RIMS1: variants seen among roughly 807,000 people sequenced by gnomAD.
The protein encoded by RIMS1 is regulating synaptic membrane exocytosis protein 1.
A neutral mutation model predicts 214.1 loss-of-function variants in RIMS1; 83 were observed. The observed-to-expected ratio is 0.39, with a 90% CI of 0.32 to 0.47. The LOEUF (loss-of-function observed/expected upper bound fraction) is 0.47, where lower values mean the gene tolerates loss of function less well. RIMS1 is among the 20% of genes least tolerant of loss of function. The pLI is 0.99. For missense variants in RIMS1, 2,050 were observed against 2,161.8 expected (o/e 0.95, Z 1.03); for synonymous variants, 793 against 786.8 (o/e 1.01, Z -0.13).
In RIMS1 at chr6:71,886,955, C is replaced by T; in HGVS notation, c.-69C>T. ...CCGCTGTGAGGGGGAAGCAGGGGCGCAGCTGCTGGGCGTGCATCCGAAAGG... is the reference window on the plus strand; with the variant it reads ...CCGCTGTGAGGGGGAAGCAGGGGCGTAGCTGCTGGGCGTGCATCCGAAAGG... On this transcript the variant is annotated 5_prime_UTR_variant, in exon 1 of 34. Transcript: ENST00000521978. The T allele has an allele frequency of 6.5e-7, 1 of 1,545,780 alleles. No homozygotes were observed. Among genetic ancestry groups the T allele is most frequent in the Non-Finnish European group, 8.8e-7 (1 of 1,137,940 alleles).
intron 26 of RIMS1, among the ~76,000 whole-genome samples, chr6:72,301,720 T>C (rs376788967): frequency 1.5e-3 from 234 of 151,706 alleles, no homozygotes; most frequent in African/African-American, 5.4e-3. Flanking sequence ...GAGATGAAAG[T>C]ATATGAGATG....
chr6:72,004,289 C>G (rs908250561), intron 2 of RIMS1, among the ~76,000 whole-genome samples: 3 of 151,694 alleles, frequency 2.0e-5, no homozygotes, highest in African/African-American at 7.3e-5. Context: ...TTTGGGTTGG[C>G]TCCAAGTCTT....
chr6:72,295,354 A>G (rs956675424), intron 26 of RIMS1, among the ~76,000 whole-genome samples: 12 of 151,822 alleles, frequency 7.9e-5, no homozygotes, highest in Admixed American at 2.6e-4. Context: ...TTTCAGAAGA[A>G]AAAAGGATTA....
intron 2 of RIMS1, among the ~76,000 whole-genome samples, chr6:71,992,290 T>C (rs983016557): frequency 6.6e-6 from 1 of 152,112 alleles, no homozygotes; most frequent in Non-Finnish European, 1.5e-5. Context: ...AGTGGAATCA[T>C]TGGTGCCAAT....
At chr6:72,198,340 A>G (rs1459657581) in intron 6 of RIMS1, among the ~76,000 whole-genome samples, 1 of 16,438 alleles carries the variant, frequency 6.1e-5, no homozygotes, top group East Asian at 8.1e-3. Context: ...AATAATAATC[A>G]TCATCATCAT....
intron 4 of RIMS1, among the ~76,000 whole-genome samples, chr6:72,168,074 A>G (rs1249442516): frequency 6.6e-6 from 1 of 152,162 alleles, no homozygotes; most frequent in African/African-American, 2.4e-5. Flanking sequence ...GCTATTAGAG[A>G]TGATGGCCCA....
intron 2 of RIMS1, among the ~76,000 whole-genome samples, chr6:72,063,606 T>C (rs943217839): frequency 6.6e-6 from 1 of 152,062 alleles, no homozygotes; most frequent in Non-Finnish European, 1.5e-5. Flanking sequence ...TAGGAAGCAA[T>C]CCGTGTGGAA....
intron 26 of RIMS1, among the ~76,000 whole-genome samples, chr6:72,303,290 TTTAA>T (rs2094819656): frequency 1.3e-5 from 2 of 150,772 alleles, no homozygotes; most frequent in Non-Finnish European, 3.0e-5. Context: ...TCATAGGCCT[TTTAA>T]TAATATGAAA....
At chr6:72,181,326 A>G (rs924853304) in intron 5 of RIMS1, among the ~76,000 whole-genome samples, 3 of 152,240 alleles carry the variant, frequency 2.0e-5, no homozygotes, top group Non-Finnish European at 4.4e-5. Flanking sequence ...ATTTGGAGAA[A>G]GGATAGAAAG....
At chr6:72,206,116 A>G (rs1405886537) in intron 6 of RIMS1, among the ~76,000 whole-genome samples, 1 of 152,076 alleles carries the variant, frequency 6.6e-6, no homozygotes, top group Non-Finnish European at 1.5e-5. Flanking sequence ...GTATTTGCTC[A>G]GGTTTTCTAT....
At chr6:72,274,890 G>A (rs2085369198) in intron 23 of RIMS1, among the ~76,000 whole-genome samples, 1 of 151,670 alleles carries the variant, frequency 6.6e-6, no homozygotes, top group Admixed American at 6.6e-5. Context: ...ATTAAATAAT[G>A]TCTGTCTTAT....
rs940684990 is a variant in RIMS1 at position 72,182,924 on chromosome 6, C to T, written c.1453C>T (p.Arg485Trp). 5 of 1,583,746 alleles carry T rather than the reference C, an allele frequency of 3.2e-6. No individual in the cohort carries two copies. The highest frequency in any genetic ancestry group is 3.4e-6 in the Non-Finnish European group (4 of 1,166,372). ...RLDPSSAVLM[R>W]KAKREKVETM... ...GGACCCCAGCTCGGCGGTCCTCATG[C>T]GGAAGGCCAAGCGCGAGAAGGTGGA... The change falls in exon 6 of 34, where the codon CGG (arginine) becomes TGG (tryptophan). Residue 485 changes from arginine (R) to tryptophan (W), a missense_variant. By Grantham distance (101) the Arg-to-Trp change is moderately radical. Coordinates refer to ENST00000521978, the MANE Select transcript of RIMS1 (RefSeq NM_014989.7).
At chr6:72,379,509 A>G (rs2098449625) in intron 29 of RIMS1, among the ~76,000 whole-genome samples, 3 of 152,244 alleles carry the variant, frequency 2.0e-5, no homozygotes, top group Admixed American at 6.5e-5. Flanking sequence ...ACGGCATTCT[A>G]AATAGCATTT....
At chr6:72,277,065 G>A (rs540149742) in intron 23 of RIMS1, among the ~76,000 whole-genome samples, 1 of 152,226 alleles carries the variant, frequency 6.6e-6, no homozygotes, top group Non-Finnish European at 1.5e-5. Flanking sequence ...AAATAACATT[G>A]TAATGCAGAA....
chr6:72,164,740 A>G (rs955825515), intron 4 of RIMS1, among the ~76,000 whole-genome samples: 1 of 152,182 alleles, frequency 6.6e-6, no homozygotes, highest in African/African-American at 2.4e-5. Flanking sequence ...AGGTCTAGAT[A>G]CTAGAAGTTC....
chr6:72,387,798 C>A (rs1300403053), intron 29 of RIMS1, among the ~76,000 whole-genome samples: 1 of 152,088 alleles, frequency 6.6e-6, no homozygotes, highest in Non-Finnish European at 1.5e-5. Flanking sequence ...AGATTCCTAC[C>A]CTTTCAGTAG....
At chr6:72,105,733 A>T (rs923498370) in intron 4 of RIMS1, among the ~76,000 whole-genome samples, 2 of 152,140 alleles carry the variant, frequency 1.3e-5, no homozygotes, top group African/African-American at 4.8e-5. Flanking sequence ...TAATTTTATG[A>T]ATGTTATATT....
At chr6:72,145,657 T>C (rs2042648304) in intron 4 of RIMS1, among the ~76,000 whole-genome samples, 1 of 152,106 alleles carries the variant, frequency 6.6e-6, no homozygotes, top group Non-Finnish European at 1.5e-5. Context: ...GACCACAGGT[T>C]AGGAACCCCG....
chr6:72,124,563 G>T (rs1022399330), intron 4 of RIMS1, among the ~76,000 whole-genome samples: 1 of 151,844 alleles, frequency 6.6e-6, no homozygotes, highest in Non-Finnish European at 1.5e-5. Flanking sequence ...ATAATATCCT[G>T]CAGAGTGTTT....
Sources: gnomAD v4.1 joint callset for allele counts (sites outside exome capture counted in the v4.1 genomes callset) on GRCh38, gnomAD v4.1.1 for gene constraint, MANE v1.5 for transcripts, NCBI Gene and HGNC (gene_info 2026-07-23, HGNC 2026-07-21) for gene names.